The following CHN1 variants were observed in gnomAD, a reference collection of about 807,000 sequenced individuals.
The protein encoded by CHN1 is chimerin 1.
Under a neutral mutation model 59.5 loss-of-function variants are expected in CHN1, and 37 were observed. The observed-to-expected ratio is 0.62, with a 90% CI of 0.48 to 0.82. The LOEUF (loss-of-function observed/expected upper bound fraction) is 0.82, where lower values mean the gene tolerates loss of function less well. Among genes scored for constraint, CHN1 ranks in the 40% least tolerant of loss-of-function variants. The pLI is 0.00. For synonymous variants in CHN1, 206 were observed against 200.4 expected, an observed-to-expected ratio of 1.03 and a Z score of -0.24; for missense variants, 469 against 571.0, an observed-to-expected ratio of 0.82 and a Z score of 1.82.
chr2:174,799,979 C>T lies in CHN1; in HGVS notation c.*137G>A. ...CAGCTGAGCGGTGCTACAAAAACAA[C>T]AGAAAGTTCCTTCACTTTAATCTGG... On this transcript the variant is annotated 3_prime_UTR_variant, in exon 13 of 13. Transcript: ENST00000409900. 4.8e-6 allele frequency: 4 copies of T among 830,026 alleles called. No individual in the cohort carries two copies. The highest frequency in any genetic ancestry group is 7.9e-6 in the Non-Finnish European group (4 of 504,384). The allele number at this position is 830,026 out of a possible 1,614,324, so 51.4% of individuals were successfully genotyped here. A position where few individuals can be genotyped will look rare whatever the true frequency, so the allele number is the denominator to read the frequency against.
intron 1 of CHN1, among the ~76,000 whole-genome samples, chr2:174,984,889 A>C (rs1034298053): frequency 6.6e-6 from 1 of 152,232 alleles, no homozygotes; most frequent in African/African-American, 2.4e-5. Context: ...TTCTTTCTTC[A>C]TATGTAATAG....
At chr2:174,986,522 T>A (rs1401132748) in intron 1 of CHN1, among the ~76,000 whole-genome samples, 14 of 152,192 alleles carry the variant, frequency 9.2e-5, no homozygotes. Flanking sequence ...TGATTCTCTT[T>A]AGACTTTAGA....
chr2:174,959,942 A>G (rs939053405), intron 1 of CHN1, among the ~76,000 whole-genome samples: 2 of 152,222 alleles, frequency 1.3e-5, no homozygotes, highest in Non-Finnish European at 2.9e-5. Flanking sequence ...CTATTGCCAA[A>G]CAGTGCAGGG....
Position 174,801,827 on chromosome 2 carries a change from C to G in CHN1, c.1103-15G>C. 6.4e-7 allele frequency: 1 copy of G among 1,567,664 alleles called. No homozygotes were observed. ...ATCCATAATTTCTAAAATAGCAAGT[C>G]GAATACCAAGAAGAAAAGAAATAAC... On this transcript the variant is annotated splice_polypyrimidine_tract_variant and intron_variant, in intron 11 of 12. Transcript: ENST00000409900.
At chr2:174,977,423 G>T (rs1429719191) in intron 1 of CHN1, among the ~76,000 whole-genome samples, 1 of 152,144 alleles carries the variant, frequency 6.6e-6, no homozygotes, top group Non-Finnish European at 1.5e-5. Flanking sequence ...GCCAATATGG[G>T]CTGAAAATAA....
At chr2:174,846,285 A>T (rs1686511193) in intron 7 of CHN1, 1 of 1,536,212 alleles carries the variant, frequency 6.5e-7, no homozygotes, top group Admixed American at 2.1e-5. Context: ...CCACATTAAC[A>T]CAATAATTAA....
At chr2:174,863,258 A>G (rs1687121280) in intron 6 of CHN1, among the ~76,000 whole-genome samples, 1 of 152,210 alleles carries the variant, frequency 6.6e-6, no homozygotes, top group African/African-American at 2.4e-5. Context: ...CAGTTGAAAG[A>G]TCCATTTGAA....
intron 7 of CHN1, among the ~76,000 whole-genome samples, chr2:174,841,096 A>G (rs1412680249): frequency 1.3e-5 from 2 of 152,238 alleles, no homozygotes; most frequent in Non-Finnish European, 2.9e-5. Context: ...CTCTAGTCCC[A>G]TAAGATAGCT....
chr2:174,801,016 A>G (rs1684702870), intron 12 of CHN1, among the ~76,000 whole-genome samples: 1 of 152,162 alleles, frequency 6.6e-6, no homozygotes, highest in Non-Finnish European at 1.5e-5. Context: ...CCACATACGT[A>G]TTTTTGTTTC....
chr2:174,877,468 A>G (rs988550177), intron 6 of CHN1, among the ~76,000 whole-genome samples: 2 of 152,142 alleles, frequency 1.3e-5, no homozygotes, highest in Non-Finnish European at 2.9e-5. Flanking sequence ...GGAAAACAAA[A>G]AAGTAATTTT....
intron 6 of CHN1, among the ~76,000 whole-genome samples, chr2:174,869,134 C>T (rs186301962): frequency 2.0e-5 from 3 of 152,284 alleles, no homozygotes; most frequent in Admixed American, 2.0e-4. Flanking sequence ...AGAGGCTCTT[C>T]TCCCTGCACC....
Position 174,800,283 on chromosome 2 carries a change from T to C in CHN1, c.1213A>G (p.Thr405Ala). 1 of 1,433,042 alleles carries C rather than the reference T, an allele frequency of 7.0e-7. No individual in the cohort carries two copies. Among genetic ancestry groups the C allele is most frequent in the African/African-American group, 1.4e-5 (1 of 70,280 alleles). 88.8% of individuals were successfully genotyped at this position (1,433,042 alleles called of 1,614,324 possible). The change falls in exon 13 of 13, where the codon ACC (threonine) becomes GCC (alanine). Residue 405 changes from threonine to alanine, a missense_variant. Thr to Ala is a moderately conservative substitution (Grantham distance 58). Transcript: ENST00000409900. ...ATAAGATTCTCCTTTTCGTGGAGGG[T>C]CACTCTGAAAAATGCAAGTACAGGA... ...RYLMAHLKRV[T>A]LHEKENLMNA...
intron 6 of CHN1, among the ~76,000 whole-genome samples, chr2:174,868,885 A>G (rs1416279653): frequency 6.6e-6 from 1 of 152,184 alleles, no homozygotes; most frequent in African/African-American, 2.4e-5. Flanking sequence ...TTCCCATTTG[A>G]GTTAGACTGT....
At chr2:174,850,027 G>A (rs1447587372) in intron 6 of CHN1, among the ~76,000 whole-genome samples, 1 of 152,172 alleles carries the variant, frequency 6.6e-6, no homozygotes, top group Non-Finnish European at 1.5e-5. Flanking sequence ...GAAAAATGTA[G>A]TAACCAAGAT....
intron 7 of CHN1, among the ~76,000 whole-genome samples, chr2:174,833,807 T>C (rs1685969169): frequency 6.6e-6 from 1 of 151,802 alleles, no homozygotes; most frequent in South Asian, 2.1e-4. Flanking sequence ...TTTTTTTTTT[T>C]TTTTGACAGG....
intron 3 of CHN1, among the ~76,000 whole-genome samples, chr2:174,930,480 T>C (rs977406681): frequency 6.6e-6 from 1 of 152,112 alleles, no homozygotes; most frequent in Non-Finnish European, 1.5e-5. Context: ...CGTGGAGTCA[T>C]GCTGTCACTC....
intron 6 of CHN1, among the ~76,000 whole-genome samples, chr2:174,856,635 G>A (rs1024806414): frequency 6.6e-6 from 1 of 152,150 alleles, no homozygotes; most frequent in African/African-American, 2.4e-5. Context: ...TATGCCCAAG[G>A]AGGAGGGGGT....
chr2:174,990,575 T>C (rs1324712588), intron 1 of CHN1, among the ~76,000 whole-genome samples: 2 of 152,170 alleles, frequency 1.3e-5, no homozygotes, highest in East Asian at 3.8e-4. Flanking sequence ...GTCCCTACTG[T>C]ATAGCGATGT....
At chr2:174,836,248 C>T (rs1473691075) in intron 7 of CHN1, among the ~76,000 whole-genome samples, 2 of 152,138 alleles carry the variant, frequency 1.3e-5, no homozygotes, top group Non-Finnish European at 2.9e-5. Context: ...TGTCACAGTT[C>T]TATACTACCT....
Sources: gnomAD v4.1 joint callset for allele counts (sites outside exome capture counted in the v4.1 genomes callset) on GRCh38, gnomAD v4.1.1 for gene constraint, MANE v1.5 for transcripts, NCBI Gene and HGNC (gene_info 2026-07-23, HGNC 2026-07-21) for gene names.